VWF: variants seen among roughly 807,000 people sequenced by gnomAD.
VWF encodes the protein von Willebrand factor.
Under a neutral mutation model 308.6 loss-of-function variants are expected in VWF, and 176 were observed. That is an observed-to-expected ratio of 0.57 (90% CI 0.50 to 0.65). The LOEUF (loss-of-function observed/expected upper bound fraction) is 0.65. VWF is among the 30% of genes least tolerant of loss of function. The pLI is 0.00. For missense variants in VWF, 3,146 were observed against 3,648.2 expected (o/e 0.86, Z 3.55); for synonymous variants, 1,385 against 1,443.4 (o/e 0.96, Z 0.92).
intron 6 of VWF, among the ~76,000 whole-genome samples, chr12:6,092,848 T>C (rs1346192545): frequency 2.0e-5 from 3 of 152,108 alleles, no homozygotes; most frequent in East Asian, 1.9e-4. Context: ...GTGGGACATA[T>C]GTAACATGTA....
Position 5,952,412 on chromosome 12 carries a change from T to C in VWF, c.8094A>G (p.Glu2698=), listed in dbSNP as rs144030544. The C allele has an allele frequency of 1.9e-4, 304 of 1,613,918 alleles. No individual in the cohort carries two copies. The highest frequency in any genetic ancestry group is 2.5e-4 in the Non-Finnish European group (295 of 1,179,928). ...TCACTCCCTCAGCCAGACACTTGTG[T>C]TCATCAAAGGGTGGGCAGCCTGTGA... is the stretch of plus-strand genomic sequence containing the variant. The part of the protein sequence containing the change: ...KRVTGCPPFD[E]HKCLAEGGKI... The change falls in exon 49 of 52, where the codon GAA becomes GAG. Residue 2698 remains glutamate, a synonymous_variant. Transcript: ENST00000261405.
At chr12:6,069,783 C>G (rs1186871807) in intron 10 of VWF, among the ~76,000 whole-genome samples, 1 of 152,218 alleles carries the variant, frequency 6.6e-6, no homozygotes, top group Non-Finnish European at 1.5e-5. Context: ...AAGAGAATGT[C>G]TTACATCCTC....
At chr12:5,996,750 CAAAAA>C (rs61616182) in intron 34 of VWF, among the ~76,000 whole-genome samples, 2 of 60,472 alleles carry the variant, frequency 3.3e-5, no homozygotes, top group East Asian at 5.1e-4. Context: ...TTTCCAGAGC[CAAAAA>C]AAAAAAAAAA....
intron 7 of VWF, among the ~76,000 whole-genome samples, chr12:6,074,216 C>A (rs1200091485): frequency 3.9e-5 from 6 of 152,086 alleles, no homozygotes. Context: ...CATGGTGACA[C>A]TCATTCCATA....
chr12:6,108,559 T>C (rs1318974404), intron 5 of VWF, among the ~76,000 whole-genome samples: 2 of 150,870 alleles, frequency 1.3e-5, no homozygotes, highest in Admixed American at 1.3e-4. Context: ...AGAGAATACA[T>C]TATTTTTGGG....
rs373279515 is a variant in VWF at position 6,065,091 on chromosome 12, C to A, written c.1293+46G>T. ...CCCATTCAGCCTAGCAGCTATGCAG[C>A]ACCTTGGGCTACCACCCGACCAGCA... On this transcript the variant is annotated intron_variant, in intron 11 of 51. Coordinates refer to ENST00000261405, the MANE Select transcript of VWF (RefSeq NM_000552.5). The A allele has an allele frequency of 9.9e-6, 16 of 1,613,280 alleles. No individual in the cohort carries two copies. The African/African-American group carries it at 2.0e-4, about 20-fold the overall frequency.
intron 28 of VWF, among the ~76,000 whole-genome samples, chr12:6,017,242 G>A (rs546483787): frequency 6.6e-6 from 1 of 152,338 alleles, no homozygotes; most frequent in Non-Finnish European, 1.5e-5. Context: ...AAAAGGAAAT[G>A]GAGCGGCAGC....
chr12:5,965,032 T>C (rs1196895026), intron 47 of VWF, among the ~76,000 whole-genome samples: 1 of 152,158 alleles, frequency 6.6e-6, no homozygotes, highest in Non-Finnish European at 1.5e-5. Flanking sequence ...CAGGACTTGT[T>C]TGGGCACTGC....
At chr12:6,064,225 A>T in intron 12 of VWF, 21 bp downstream of exon 12, 1 of 1,614,056 alleles carries the variant, frequency 6.2e-7, no homozygotes, top group Admixed American at 1.7e-5. Flanking sequence ...CCCAGGCCTG[A>T]TGGAGCAGGA....
chr12:5,960,069 TATA>T (rs1363521102), intron 47 of VWF, among the ~76,000 whole-genome samples: 23 of 147,888 alleles, frequency 1.6e-4, no homozygotes, highest in Admixed American at 3.4e-4. Flanking sequence ...TAATATATAA[TATA>T]ATAATAATTA....
chr12:5,964,379 A>T (rs1943373720), intron 47 of VWF, among the ~76,000 whole-genome samples: 1 of 151,802 alleles, frequency 6.6e-6, no homozygotes, highest in South Asian at 2.1e-4. Context: ...AAAACAAATT[A>T]TAGTTCTTTT....
At chr12:5,961,058 G>T (rs1943308700) in intron 47 of VWF, among the ~76,000 whole-genome samples, 1 of 152,188 alleles carries the variant, frequency 6.6e-6, no homozygotes, top group South Asian at 2.1e-4. Flanking sequence ...CTGCACATGT[G>T]AGGGATCCAG....
chr12:5,952,326 C>T lies in VWF; in HGVS notation c.8115+65G>A. ...AATTATGCCGGAGCTGGGATGCACA[C>T]TATTCAGAAGAATCTTGTTCTTAGA... On this transcript the variant is annotated intron_variant, in intron 49 of 51. Transcript: ENST00000261405. The T allele has an allele frequency of 1.9e-6, 3 of 1,608,062 alleles. No homozygotes were observed. The East Asian group carries it at 6.7e-5, about 36-fold the overall frequency.
rs572913708 is a variant in VWF at position 6,043,896 on chromosome 12, C to A, written c.2442+395G>T. Among the ~76,000 whole-genome samples, 3 of 152,290 alleles carry A rather than the reference C, an allele frequency of 2.0e-5. No individual in the cohort carries two copies. In the East Asian group the frequency reaches 5.8e-4, roughly 29 times the overall value. On this transcript the variant is annotated intron_variant, in intron 18 of 51. Coordinates refer to ENST00000261405, the MANE Select transcript of VWF (RefSeq NM_000552.5). The stretch of plus-strand genomic sequence containing the variant: ...TGAAATAGAAAATTATATGCATATA[C>A]GTCAATCATATGCAAATATATATGT...
At chr12:6,086,950 AG>A (rs1343863983) in intron 6 of VWF, among the ~76,000 whole-genome samples, 34 of 152,338 alleles carry the variant, frequency 2.2e-4, no homozygotes, top group Admixed American at 2.2e-3. Flanking sequence ...TGGGAGGAAG[AG>A]GAATCACAGG....
At chr12:6,092,223 T>C (rs924064378) in intron 6 of VWF, among the ~76,000 whole-genome samples, 1 of 152,150 alleles carries the variant, frequency 6.6e-6, no homozygotes, top group Non-Finnish European at 1.5e-5. Context: ...TTCCTGGCCA[T>C]GATAGGATGG....
intron 3 of VWF, 150 bp downstream of exon 3, chr12:6,121,024 A>T: frequency 9.4e-7 from 1 of 1,066,672 alleles, no homozygotes; most frequent in Admixed American, 2.1e-5. Context: ...AAGAGGGGCT[A>T]CGTGTCACAG....
chr12:6,052,055 G>A (rs1944520679), intron 16 of VWF, among the ~76,000 whole-genome samples: 1 of 152,212 alleles, frequency 6.6e-6, no homozygotes. Flanking sequence ...AGAAGGCCTA[G>A]GCAAAGAGCT....
chr12:6,027,891 C>CA (rs1179303192), intron 22 of VWF, among the ~76,000 whole-genome samples: 3 of 147,766 alleles, frequency 2.0e-5, no homozygotes, highest in African/African-American at 7.4e-5. Flanking sequence ...CACCCCTAAA[C>CA]AAAAAAACTT....
Sources: allele counts gnomAD v4.1 joint callset (sites outside exome capture counted in the v4.1 genomes callset), GRCh38; gene constraint gnomAD v4.1.1; transcripts MANE v1.5; gene names NCBI Gene and HGNC (gene_info 2026-07-23, HGNC 2026-07-21).